CADM2: variants seen among roughly 807,000 people sequenced by gnomAD.
The protein encoded by CADM2 is cell adhesion molecule 2.
In CADM2, 12 loss-of-function variants were observed where a neutral mutation model predicts 49.8. That is an observed-to-expected ratio of 0.24 (90% CI 0.15 to 0.39). CADM2 has a LOEUF of 0.39. Among genes scored for constraint, CADM2 ranks in the 10% least tolerant of loss-of-function variants. The pLI is 1.00. For missense variants in CADM2, 378 were observed against 492.3 expected (o/e 0.77, Z 2.20); for synonymous variants, 214 against 175.4 (o/e 1.22, Z -1.74).
Position 86,072,051 on chromosome 3 carries a change from A to G in CADM2, c.*5268A>G, listed in dbSNP as rs960539992. 1.3e-5 allele frequency: 2 copies of G among 151,936 alleles called. No individual in the cohort carries two copies. The highest frequency in any genetic ancestry group is 4.8e-5 in the African/African-American group (2 of 41,428). 9.4% of individuals were successfully genotyped at this position (151,936 alleles called of 1,614,324 possible). ...AATAAATAATCCTCATATAATGCAC[A>G]GTATTGCCACAAATGCCCACTTCAT... On this transcript the variant is annotated 3_prime_UTR_variant, in exon 10 of 10. Transcript: ENST00000383699.
rs538735502 is a variant in CADM2, at chr3:85,415,543, C to T, written c.62-310979C>T. On this transcript the variant is annotated intron_variant, in intron 1 of 9. Transcript: ENST00000383699. Reference sequence around the variant, plus strand: ...AGATAAAACAGTTGATAAAAAACAACTGTTTTATATGGATTCTTCAGGTAC... The same window carrying T: ...AGATAAAACAGTTGATAAAAAACAATTGTTTTATATGGATTCTTCAGGTAC... Among the ~76,000 whole-genome samples the T allele has an allele frequency of 4.6e-5, 7 of 152,014 alleles. No homozygotes were observed. The South Asian group carries it at 1.4e-3, about 31-fold the overall frequency.
chr3:84,969,535 A>C (rs2031263415), intron 1 of CADM2, among the ~76,000 whole-genome samples: 1 of 151,228 alleles, frequency 6.6e-6, no homozygotes. Context: ...CATTCCACTG[A>C]TTGATTAGTT....
intron 3 of CADM2, among the ~76,000 whole-genome samples, chr3:85,863,720 T>A (rs2075621735): frequency 6.6e-6 from 1 of 152,176 alleles, no homozygotes; most frequent in East Asian, 1.9e-4. Flanking sequence ...GAAAAATGAT[T>A]GAAACAGAAA....
intron 8 of CADM2, among the ~76,000 whole-genome samples, chr3:86,007,764 G>A (rs998070577): frequency 6.6e-6 from 1 of 152,168 alleles, no homozygotes; most frequent in African/African-American, 2.4e-5. Flanking sequence ...CATTACTATG[G>A]AGTTTCTGGC....
At chr3:85,674,828 A>T (rs1339708644) in intron 1 of CADM2, among the ~76,000 whole-genome samples, 1 of 152,132 alleles carries the variant, frequency 6.6e-6, no homozygotes, top group East Asian at 1.9e-4. Context: ...TATGCCATTC[A>T]TGTGAATAGA....
intron 1 of CADM2, among the ~76,000 whole-genome samples, chr3:85,323,039 A>G (rs1199082867): frequency 1.3e-5 from 2 of 152,174 alleles, no homozygotes; most frequent in East Asian, 1.9e-4. Context: ...ACTCATTTTA[A>G]CATTTTGGAA....
At chr3:85,644,899 C>G (rs2064837953) in intron 1 of CADM2, among the ~76,000 whole-genome samples, 1 of 152,044 alleles carries the variant, frequency 6.6e-6, no homozygotes, top group Admixed American at 6.6e-5. Flanking sequence ...TCAGGAGGTT[C>G]AAAATGTCAT....
At chr3:85,201,737 A>G (rs2041507278) in intron 1 of CADM2, among the ~76,000 whole-genome samples, 1 of 152,138 alleles carries the variant, frequency 6.6e-6, no homozygotes, top group South Asian at 2.1e-4. Context: ...CAGCATCTCC[A>G]TCTGGAAAAG....
At chr3:84,998,977 G>C (rs1418137895) in intron 1 of CADM2, among the ~76,000 whole-genome samples, 2 of 151,646 alleles carry the variant, frequency 1.3e-5, no homozygotes, top group African/African-American at 4.9e-5. Context: ...ATCTGGAAAG[G>C]GGAAAGATTT....
chr3:85,956,216 G>A (rs564900912), intron 7 of CADM2, among the ~76,000 whole-genome samples: 4 of 151,638 alleles, frequency 2.6e-5, no homozygotes, highest in African/African-American at 9.6e-5. Flanking sequence ...TATAGAAACT[G>A]TAGACTGGAA....
intron 3 of CADM2, among the ~76,000 whole-genome samples, chr3:85,831,877 GA>G (rs1456119381): frequency 1.3e-5 from 2 of 151,218 alleles, no homozygotes; most frequent in African/African-American, 4.9e-5. Context: ...TTGGTTTTGG[GA>G]AGTTATAAAT....
chr3:85,253,440 T>A (rs2042818323), intron 1 of CADM2, among the ~76,000 whole-genome samples: 1 of 152,078 alleles, frequency 6.6e-6, no homozygotes, highest in African/African-American at 2.4e-5. Context: ...TGGAAATCTT[T>A]GCAAGTTCAC....
In CADM2 at chr3:85,419,344, G is replaced by A. The variant is rs529999134; in HGVS notation, c.62-307178G>A. Reference sequence around the variant, plus strand: ...GTGGTGGCGGGCGCCTATAGTCCCAGCTACTCAGGAGGCTGAGACAGGAGA... The same window carrying A: ...GTGGTGGCGGGCGCCTATAGTCCCAACTACTCAGGAGGCTGAGACAGGAGA... On this transcript the variant is annotated intron_variant, in intron 1 of 9. Coordinates refer to ENST00000383699, the MANE Select transcript of CADM2 (RefSeq NM_001167675.2). Among the ~76,000 whole-genome samples, 5 of 152,222 alleles carry A rather than the reference G, an allele frequency of 3.3e-5. No individual in the cohort carries two copies. The South Asian group carries it at 1.0e-3, about 32-fold the overall frequency.
chr3:86,048,857 T>G (rs1328442733), intron 8 of CADM2, among the ~76,000 whole-genome samples: 1 of 152,154 alleles, frequency 6.6e-6, no homozygotes, highest in African/African-American at 2.4e-5. Flanking sequence ...CACAATAAAT[T>G]TTATAAGATA....
chr3:85,541,425 T>C (rs1471435248), intron 1 of CADM2, among the ~76,000 whole-genome samples: 2 of 150,780 alleles, frequency 1.3e-5, no homozygotes, highest in Non-Finnish European at 3.0e-5. Context: ...TTACCAAAGT[T>C]TTGACATGTA....
In CADM2 at chr3:85,961,908, G is replaced by A. The variant is rs113791245; in HGVS notation, c.970+261G>A. ...AAATATACTTCTTACATGTTGGCTC[G>A]TAAACTATATTAATGATTGTCTTTA... On this transcript the variant is annotated intron_variant, in intron 8 of 9. Coordinates refer to ENST00000383699, the MANE Select transcript of CADM2 (RefSeq NM_001167675.2). Among the ~76,000 whole-genome samples the A allele has an allele frequency of 8.2e-4, 125 of 151,542 alleles. 1 individual carries two copies. The highest frequency in any genetic ancestry group is 2.9e-3 in the African/African-American group (118 of 41,400).
chr3:85,243,396 A>G (rs2042575997), intron 1 of CADM2, among the ~76,000 whole-genome samples: 1 of 152,014 alleles, frequency 6.6e-6, no homozygotes, highest in Admixed American at 6.6e-5. Flanking sequence ...AATGTGATGT[A>G]AGTTATACTG....
chr3:85,770,532 T>G (rs2070025028), intron 2 of CADM2, among the ~76,000 whole-genome samples: 1 of 152,108 alleles, frequency 6.6e-6, no homozygotes, highest in Admixed American at 6.6e-5. Context: ...TTGCTCAGGC[T>G]AGTCTGAAAC....
At chr3:85,701,294 C>G (rs1372193892) in intron 1 of CADM2, among the ~76,000 whole-genome samples, 3 of 152,126 alleles carry the variant, frequency 2.0e-5, no homozygotes, top group Admixed American at 2.0e-4. Flanking sequence ...CTACCAGGCC[C>G]CACCTCCAGC....
Sources: gnomAD v4.1 joint callset for allele counts (sites outside exome capture counted in the v4.1 genomes callset) on GRCh38, gnomAD v4.1.1 for gene constraint, MANE v1.5 for transcripts, NCBI Gene and HGNC (gene_info 2026-07-23, HGNC 2026-07-21) for gene names.